UNC80: variants seen among roughly 807,000 people sequenced by gnomAD.
UNC80 encodes the protein protein unc-80 homolog.
Under a neutral mutation model 384.6 loss-of-function variants are expected in UNC80, and 164 were observed. The ratio of observed to expected loss-of-function variants is 0.43; its 90% CI spans 0.38 to 0.49. The LOEUF (loss-of-function observed/expected upper bound fraction) is 0.49, where lower values mean the gene tolerates loss of function less well. Ranked by LOEUF, UNC80 falls within the 20% of genes least tolerant of loss-of-function variation. The probability of loss-of-function intolerance (pLI) is 0.00; values close to 1 mark genes in which losing one functional copy is unlikely to be tolerated. For missense variants in UNC80, 3,330 were observed against 4,143.0 expected, an observed-to-expected ratio of 0.80 and a Z score of 5.39; for synonymous variants, 1,486 against 1,527.8, an observed-to-expected ratio of 0.97 and a Z score of 0.64.
chr2:209,840,538 A>C lies in UNC80; in HGVS notation c.3251-4A>C, dbSNP rs1220401940. On this transcript the variant is annotated splice_polypyrimidine_tract_variant and splice_region_variant and intron_variant, in intron 19 of 64. Coordinates refer to ENST00000673920, the MANE Select transcript of UNC80 (RefSeq NM_001371986.1). ...TTGATCTAAGTGATTTAACTATTAA[A>C]TAGGGAACTGGCTGAAGAGATCATC... 6.4e-7 allele frequency: 1 copy of C among 1,550,982 alleles called. No individual in the cohort carries two copies. Among genetic ancestry groups the C allele is most frequent in the African/African-American group, 1.4e-5 (1 of 73,020 alleles).
rs572837802 is a variant in UNC80, at chr2:209,936,079, A to G, written c.6273+271A>G. 3.4e-3 allele frequency among the ~76,000 whole-genome samples: 513 copies of G among 152,150 alleles called. 2 individuals carry two copies. The highest frequency in any genetic ancestry group is 5.6e-3 in the Non-Finnish European group (384 of 67,976). On this transcript the variant is annotated intron_variant, in intron 40 of 64. Transcript: ENST00000673920. ...AGATGTAAGTAGAAGAGACCTTTGG[A>G]AAAAAAATCAACTTTTCCAAACTCG...
At chr2:209,970,168 C>T (rs2092842843) in intron 53 of UNC80, 2 of 392,102 alleles carry the variant, frequency 5.1e-6, no homozygotes, top group Non-Finnish European at 9.1e-6. Flanking sequence ...TTGAGGGCTG[C>T]CAGTTGGAGA....
chr2:209,900,888 C>T (rs569146343), intron 28 of UNC80, among the ~76,000 whole-genome samples: 1 of 152,300 alleles, frequency 6.6e-6, no homozygotes, highest in East Asian at 1.9e-4. Context: ...TTCTCTTAAA[C>T]CCAAAGCCCA....
chr2:209,826,024 C>T lies in UNC80; in HGVS notation c.2449C>T (p.Arg817Cys), dbSNP rs1002766231. The change falls in exon 14 of 65, where the codon CGT (arginine) becomes TGT (cysteine). Residue 817 changes from arginine (R) to cysteine (C), a missense_variant. Physicochemically the swap from Arg to Cys is radical, Grantham distance 180. Around this residue, in one of 8 missense-constraint regions of UNC80, gnomAD observed 937 missense variants for 1,026.8 expected, o/e 0.91. Coordinates refer to ENST00000673920, the MANE Select transcript of UNC80 (RefSeq NM_001371986.1). The part of the protein sequence containing the change: ...GEGHRGLSGD[R>C]LRHQVFRENA... The stretch of plus-strand genomic sequence containing the variant: ...AGGACACCGAGGGCTCTCTGGAGAT[C>T]GTCTGAGACACCAGGTATTCCGAGA... 13 of 1,549,522 alleles carry T rather than the reference C, an allele frequency of 8.4e-6. No homozygotes were observed. In the East Asian group the frequency reaches 1.7e-4, roughly 20 times the overall value.
intron 61 of UNC80, among the ~76,000 whole-genome samples, chr2:209,990,241 A>T (rs1372590529): frequency 6.6e-6 from 1 of 152,168 alleles, no homozygotes; most frequent in Admixed American, 6.5e-5. Context: ...CAGATTCCTG[A>T]ATAAAAATGA....
At chr2:209,913,679 T>C in intron 30 of UNC80, 123 bp from the exon 31 acceptor site, 1 of 969,040 alleles carries the variant, frequency 1.0e-6, no homozygotes, top group Non-Finnish European at 1.5e-6. Flanking sequence ...GCTCCCATTT[T>C]AGAAAGCATT....
intron 7 of UNC80, chr2:209,795,513 C>T (rs2078098700): frequency 6.6e-6 from 1 of 152,148 alleles, no homozygotes; most frequent in Non-Finnish European, 1.5e-5. Context: ...GGGAAAATGT[C>T]TCCAAGCCAT....
chr2:209,904,703 A>G lies in UNC80; in HGVS notation c.4582-62A>G, dbSNP rs550488292. ...TGACTTCCCATCTTCCACCCCATAG[A>G]TATGTTCAGTTTATCTGTACCCTGG... On this transcript the variant is annotated intron_variant, in intron 28 of 64. Coordinates refer to ENST00000673920, the MANE Select transcript of UNC80 (RefSeq NM_001371986.1). 22 of 1,412,594 alleles carry G rather than the reference A, an allele frequency of 1.6e-5. No homozygotes were observed. The Admixed American group carries it at 2.4e-4, about 15-fold the overall frequency. 87.5% of individuals were successfully genotyped at this position (1,412,594 alleles called of 1,614,324 possible).
intron 7 of UNC80, among the ~76,000 whole-genome samples, chr2:209,811,140 G>A (rs1051385829): frequency 5.9e-5 from 9 of 152,172 alleles, no homozygotes; most frequent in Non-Finnish European, 1.0e-4. Context: ...GGATACACAA[G>A]TGGCACTCAG....
chr2:209,787,016 T>C (rs1355353235), intron 5 of UNC80, among the ~76,000 whole-genome samples: 1 of 130,820 alleles, frequency 7.6e-6, no homozygotes, highest in Non-Finnish European at 1.6e-5. Flanking sequence ...TATATATATA[T>C]ATACCTATAT....
chr2:209,830,248 T>C (rs989409587), intron 15 of UNC80, among the ~76,000 whole-genome samples: 3 of 152,224 alleles, frequency 2.0e-5, no homozygotes, highest in African/African-American at 7.2e-5. Flanking sequence ...GGAATATTGT[T>C]TGGTTTCACA....
intron 22 of UNC80, among the ~76,000 whole-genome samples, chr2:209,853,470 C>T (rs1457574689): frequency 6.6e-6 from 1 of 151,880 alleles, no homozygotes; most frequent in East Asian, 1.9e-4. Context: ...GCTATGACCA[C>T]TAAATGTAGG....
intron 44 of UNC80, among the ~76,000 whole-genome samples, chr2:209,942,869 C>CAT (rs112541566): frequency 0.099 from 15,006 of 152,002 alleles, 1,830 homozygotes; most frequent in African/African-American, 0.28. Context: ...CACACACACA[C>CAT]ACACACACAC....
intron 39 of UNC80, 25 bp downstream of exon 39, chr2:209,934,030 A>G (rs1213015191): frequency 3.9e-5 from 59 of 1,501,958 alleles, no homozygotes; most frequent in Non-Finnish European, 5.1e-5. Flanking sequence ...CTTTTTAGTA[A>G]CATAACTTTA....
rs143679498 is a variant in UNC80 at position 209,994,170 on chromosome 2, C to T, written c.9614C>T (p.Ala3205Val). The T allele has an allele frequency of 1.3e-6, 2 of 1,551,532 alleles. No homozygotes were observed. The highest frequency in any genetic ancestry group is 2.4e-5 in the South Asian group (2 of 84,062). The change falls in exon 64 of 65, where the codon GCC becomes GTC. Residue 3205 changes from alanine (A) to valine (V), a missense_variant. Physicochemically the swap from Ala to Val is moderately conservative, Grantham distance 64. This residue lies in a region of UNC80 where 236 missense variants were observed against 254.9 expected (regional missense o/e 0.93). Transcript: ENST00000673920. ...GGCCAACTACAGGGCTGTAGCCCAG[C>T]CCCTTCTAGGAAACCAGAAGCAATG... The part of the protein sequence containing the change: ...ATGQLQGCSP[A>V]PSRKPEAMDE...
intron 14 of UNC80, among the ~76,000 whole-genome samples, chr2:209,827,797 C>A (rs1351558214): frequency 2.6e-5 from 4 of 152,260 alleles, no homozygotes; most frequent in Non-Finnish European, 4.4e-5. Context: ...CTTTCCCTAG[C>A]CTTTTTTCTT....
In UNC80 at chr2:209,922,392, TC is replaced by T. The variant is rs886284309; in HGVS notation, c.5662+10del. 6.4e-7 allele frequency: 1 copy of T among 1,550,494 alleles called. No individual in the cohort carries two copies. Among genetic ancestry groups the T allele is most frequent in the Non-Finnish European group, 8.7e-7 (1 of 1,146,296 alleles). ...AGCCGTCAGTGCTGAAGGTGTGTCC[TC>T]TTGCATACGTTTTATTTCTCCTGAC... On this transcript the variant is annotated intron_variant, in intron 35 of 64. Coordinates refer to ENST00000673920, the MANE Select transcript of UNC80 (RefSeq NM_001371986.1).
At chr2:209,777,973 C>G (rs1234355526) in intron 4 of UNC80, among the ~76,000 whole-genome samples, 1 of 152,148 alleles carries the variant, frequency 6.6e-6, no homozygotes, top group Non-Finnish European at 1.5e-5. Flanking sequence ...CCGCTCTATT[C>G]CTGTCATAGT....
chr2:209,955,692 AATATATATAT>A (rs57804600), intron 48 of UNC80, among the ~76,000 whole-genome samples: 1,509 of 51,310 alleles, frequency 0.029, 32 homozygotes, highest in African/African-American at 0.045. Flanking sequence ...CTGTATTTCT[AATATATATAT>A]ATATATATAT....
Sources: allele counts gnomAD v4.1 joint callset (sites outside exome capture counted in the v4.1 genomes callset), GRCh38; gene constraint gnomAD v4.1.1; regional missense constraint gnomAD v4.1.1; transcripts MANE v1.5; gene names NCBI Gene and HGNC (gene_info 2026-07-23, HGNC 2026-07-21).